The following ARVCF variants were observed in gnomAD, a reference collection of about 807,000 sequenced individuals.
ARVCF encodes ARVCF delta catenin family member, also known as splicing regulator ARVCF.
In ARVCF, 66 loss-of-function variants were observed where a neutral mutation model predicts 90.9. The ratio of observed to expected loss-of-function variants is 0.73; its 90% CI spans 0.60 to 0.89. ARVCF has a LOEUF of 0.89. ARVCF is among the 40% of genes least tolerant of loss of function. The probability of loss-of-function intolerance (pLI) is 0.00; values close to 1 mark genes in which losing one functional copy is unlikely to be tolerated. For missense variants in ARVCF, 1,469 were observed against 1,382.3 expected, an observed-to-expected ratio of 1.06 and a Z score of -1.00; for synonymous variants, 653 against 603.4, an observed-to-expected ratio of 1.08 and a Z score of -1.21.
At chr22:20,006,296 G>T (rs941801126) in intron 2 of ARVCF, among the ~76,000 whole-genome samples, 1 of 150,522 alleles carries the variant, frequency 6.6e-6, no homozygotes, top group African/African-American at 2.4e-5. Context: ...GAGGCTCCCT[G>T]GCCAGGCGTG....
At position 19,981,706 on chromosome 22, in the gene ARVCF, C is replaced by G; in HGVS notation, c.401G>C (p.Arg134Pro). 6.3e-7 allele frequency: 1 copy of G among 1,584,020 alleles called. No homozygotes were observed. The highest frequency in any genetic ancestry group is 1.8e-5 in the Admixed American group (1 of 57,000). The change falls in exon 5 of 20, where the codon CGG (arginine) becomes CCG (proline). Residue 134 changes from arginine (R) to proline (P), a missense_variant. Arg to Pro is a moderately radical substitution (Grantham distance 103). Transcript: ENST00000263207. The part of the protein sequence containing the change: ...VTKTVKTVTT[R>P]TVRQVPVGPD... ...GCCCACGGGCACCTGGCGTACTGTC[C>G]GAGTGGTCACCGTCTTGACAGTCTT...
chr22:19,974,012 C>T, intron 12 of ARVCF, 100 bp downstream of exon 12: 2 of 1,523,912 alleles, frequency 1.3e-6, no homozygotes, highest in South Asian at 1.2e-5. Context: ...GGTGGTGTGG[C>T]CCCTCCTTTC....
chr22:20,005,471 T>C (rs1316877059), intron 2 of ARVCF, among the ~76,000 whole-genome samples: 1 of 151,478 alleles, frequency 6.6e-6, no homozygotes, highest in East Asian at 1.9e-4. Context: ...CCTCAAAAAA[T>C]TAAAAATAGA....
intron 2 of ARVCF, among the ~76,000 whole-genome samples, chr22:19,995,001 G>T (rs772618026): frequency 6.6e-6 from 1 of 151,984 alleles, no homozygotes; most frequent in South Asian, 2.1e-4. Context: ...GGATAGGGAG[G>T]TGGATGAAGT....
Position 19,974,210 on chromosome 22 carries a change from C to A in ARVCF, c.1990G>T (p.Val664Leu). Residue 664 changes from valine to leucine, a missense_variant, in exon 12 of 20, where the codon GTA (valine) becomes TTA (leucine). Transcript: ENST00000263207. ...GTGAGGAGGGAGAGGTAGAGACGTA[C>A]CACCTCGGGCTGGTACAGCAGCTCA... ...GFELLYQPEV[V>L]RLYLSLLTES... 6.2e-7 allele frequency: 1 copy of A among 1,612,246 alleles called. No homozygotes were observed. The highest frequency in any genetic ancestry group is 8.5e-7 in the Non-Finnish European group (1 of 1,179,502).
intron 6 of ARVCF, among the ~76,000 whole-genome samples, 154 bp downstream of exon 6, chr22:19,979,589 T>G (rs1943363721): frequency 6.6e-6 from 1 of 152,212 alleles, no homozygotes; most frequent in Middle Eastern, 3.2e-3. Context: ...CTGGGCCTGA[T>G]GCCTGGCTCC....
At chr22:19,999,647 G>C (rs554210545) in intron 2 of ARVCF, among the ~76,000 whole-genome samples, 1 of 152,250 alleles carries the variant, frequency 6.6e-6, no homozygotes, top group African/African-American at 2.4e-5. Flanking sequence ...GAATGGATCA[G>C]AGGATGGTGT....
intron 2 of ARVCF, among the ~76,000 whole-genome samples, chr22:20,009,084 GT>G: frequency 6.6e-6 from 1 of 152,302 alleles, no homozygotes; most frequent in South Asian, 2.1e-4. Context: ...CCTCCCTGAA[GT>G]GTGGTGACCT....
At chr22:20,006,254 T>C (rs534355825) in intron 2 of ARVCF, among the ~76,000 whole-genome samples, 2 of 152,286 alleles carry the variant, frequency 1.3e-5, no homozygotes, top group African/African-American at 4.8e-5. Flanking sequence ...GTTATGTGTA[T>C]TCTACCATAA....
At chr22:20,003,031 T>G (rs1043484897) in intron 2 of ARVCF, among the ~76,000 whole-genome samples, 5 of 152,096 alleles carry the variant, frequency 3.3e-5, no homozygotes, top group African/African-American at 1.2e-4. Flanking sequence ...AAAAAAAACC[T>G]CAATTTGTTT....
At position 19,979,898 on chromosome 22, in the gene ARVCF, G is replaced by T; in HGVS notation, c.1241C>A (p.Ala414Asp). Residue 414 changes from alanine (A) to aspartate (D), a missense_variant, in exon 6 of 20, where the codon GCT becomes GAT. Ala to Asp is a moderately radical substitution (Grantham distance 126). Coordinates refer to ENST00000263207, the MANE Select transcript of ARVCF (RefSeq NM_001670.3). Reference protein sequence around the residue: ...LLVALLDHPRAEVRRRACGAL... With the variant: ...LLVALLDHPRDEVRRRACGAL... ...CCCACAGGCCCGGCGCCGCACCTCAGCCCGCGGGTGGTCCAGCAGTGCCAC... is the reference window on the plus strand; with the variant it reads ...CCCACAGGCCCGGCGCCGCACCTCATCCCGCGGGTGGTCCAGCAGTGCCAC... The T allele has an allele frequency of 1.2e-6, 2 of 1,600,986 alleles. No individual in the cohort carries two copies. Among genetic ancestry groups the T allele is most frequent in the Non-Finnish European group, 1.7e-6 (2 of 1,174,708 alleles).
intron 12 of ARVCF, 132 bp from the exon 13 acceptor site, chr22:19,973,925 G>T: frequency 6.8e-7 from 1 of 1,475,388 alleles, no homozygotes; most frequent in Non-Finnish European, 9.0e-7. Flanking sequence ...AAGCTCAACG[G>T]CACCTCCACC....
At chr22:19,995,795 C>T (rs776740870) in intron 2 of ARVCF, among the ~76,000 whole-genome samples, 12 of 152,092 alleles carry the variant, frequency 7.9e-5, no homozygotes, top group Non-Finnish European at 1.3e-4. Context: ...GCCCCCCCCT[C>T]GAGGGGAGAG....
At chr22:19,968,746 C>T (rs76902350), downstream of ARVCF, 11 of 1,608,054 alleles carry the variant, frequency 6.8e-6, no homozygotes, top group East Asian at 1.3e-4. Context: ...ACTGCCCCCC[C>T]GGCCCCCCTC....
At chr22:20,011,397 C>T (rs375962973) in intron 1 of ARVCF, among the ~76,000 whole-genome samples, 4 of 152,282 alleles carry the variant, frequency 2.6e-5, no homozygotes, top group Non-Finnish European at 4.4e-5. Flanking sequence ...CTCTCTCCCC[C>T]GCCTCTACGG....
downstream of ARVCF, chr22:19,969,858 G>A: frequency 1.0e-6 from 1 of 985,428 alleles, no homozygotes; most frequent in Non-Finnish European, 1.2e-6. Flanking sequence ...GGAGAAGCCA[G>A]CCACTTGTGC....
intron 3 of ARVCF, among the ~76,000 whole-genome samples, chr22:19,986,064 C>G (rs1440354114): frequency 2.0e-5 from 3 of 152,248 alleles, no homozygotes; most frequent in East Asian, 3.8e-4. Context: ...CAGCAGTGCA[C>G]CTGCCAGGGC....
downstream of ARVCF, chr22:19,967,736 C>T (rs1028650684): frequency 2.6e-5 from 7 of 267,006 alleles, no homozygotes; most frequent in African/African-American, 1.1e-4. Flanking sequence ...GTCAAATTTC[C>T]AAGACAAGGT....
chr22:20,006,112 G>A (rs1178504177), intron 2 of ARVCF, among the ~76,000 whole-genome samples: 1 of 152,098 alleles, frequency 6.6e-6, no homozygotes, highest in Non-Finnish European at 1.5e-5. Flanking sequence ...GGGGCAAACG[G>A]GGAGTTTTCT....
Sources: allele counts gnomAD v4.1 joint callset (sites outside exome capture counted in the v4.1 genomes callset), GRCh38; gene constraint gnomAD v4.1.1; transcripts MANE v1.5; gene names NCBI Gene and HGNC (gene_info 2026-07-23, HGNC 2026-07-21).